Variants in PIK3CG observed in about 807,000 individuals in gnomAD.
PIK3CG encodes the protein phosphatidylinositol-4,5-bisphosphate 3-kinase catalytic subunit gamma.
In PIK3CG, 55 loss-of-function variants were observed where a neutral mutation model predicts 102.3. That is an observed-to-expected ratio of 0.54 (90% CI 0.43 to 0.67). The LOEUF is 0.67. Among genes scored for constraint, PIK3CG ranks in the 30% least tolerant of loss-of-function variants. The pLI is 0.00. For synonymous variants in PIK3CG, 552 were observed against 540.0 expected (o/e 1.02, Z -0.31); for missense variants, 1,258 against 1,391.8 (o/e 0.90, Z 1.53).
rs563730246 is a variant in PIK3CG at position 106,896,946 on chromosome 7, T to A, written c.3031-8163T>A. 1.1e-4 allele frequency among the ~76,000 whole-genome samples: 17 copies of A among 152,254 alleles called. No homozygotes were observed. The South Asian group carries it at 3.1e-3, about 28-fold the overall frequency. On this transcript the variant is annotated intron_variant, in intron 10 of 10. Coordinates refer to ENST00000496166, the MANE Select transcript of PIK3CG (RefSeq NM_001282426.2). ...TACCACACACAAATGTCACAGACAA[T>A]ATCAGCTAAAAGCAAAAGAAAACTC...
chr7:106,904,505 T>C (rs1458309882), intron 10 of PIK3CG, among the ~76,000 whole-genome samples: 1 of 152,196 alleles, frequency 6.6e-6, no homozygotes, highest in African/African-American at 2.4e-5. Flanking sequence ...CCAAAGCTTT[T>C]TGGGGGACCA....
Position 106,905,232 on chromosome 7 carries a change from C to A in PIK3CG, c.3154C>A (p.Arg1052=), listed in dbSNP as rs765204428. ...LTSKEDIEYI[R]DALTVGKNEE... is the part of the protein sequence containing the mutation. ...AAGCAAAGAAGACATTGAATATATC[C>A]GGGATGCCCTCACAGTGGGGAAAAA... is the stretch of plus-strand genomic sequence containing the variant. Residue 1052 remains arginine (R), a synonymous_variant, in exon 11 of 11, where the codon CGG becomes AGG. Transcript: ENST00000496166. This position sits in a 1 kb window ranked among gnomAD's most constrained non-coding sequence, Gnocchi z 5.6. 6.2e-7 allele frequency: 1 copy of A among 1,614,070 alleles called. No homozygotes were observed. The highest frequency in any genetic ancestry group is 8.5e-7 in the Non-Finnish European group (1 of 1,179,980).
rs1791366282 is a variant in PIK3CG at position 106,894,925 on chromosome 7, A to C, written c.3030+8633A>C. Among the ~76,000 whole-genome samples the C allele has an allele frequency of 6.6e-6, 1 of 152,190 alleles. No individual in the cohort carries two copies. Among genetic ancestry groups the C allele is most frequent in the South Asian group, 2.1e-4 (1 of 4,828 alleles). ...GTAAAAGTTTGGGCCCTGAAATGAT[A>C]ATGAATTCCTTTGTTCCCAAGACTT... is the stretch of plus-strand genomic sequence containing the variant. On this transcript the variant is annotated intron_variant, in intron 10 of 10. Transcript: ENST00000496166. The surrounding 1 kb of genome is among the most constrained non-coding windows in gnomAD (Gnocchi z 4.4).
rs1462445603 is a variant in PIK3CG at position 106,869,620 on chromosome 7, G to C, written c.1995+64G>C. 4 of 1,335,066 alleles carry C rather than the reference G, an allele frequency of 3.0e-6. No individual in the cohort carries two copies. Among genetic ancestry groups the C allele is most frequent in the Non-Finnish European group, 4.1e-6 (4 of 977,848 alleles). 82.7% of individuals were successfully genotyped at this position (1,335,066 alleles called of 1,614,324 possible). ...AAGGAATTGATTTGCATATGCACAG[G>C]CACTCCATTCAGTTGTCATCAAATG... On this transcript the variant is annotated intron_variant, in intron 2 of 10. Transcript: ENST00000496166. This position sits in a 1 kb window ranked among gnomAD's most constrained non-coding sequence, Gnocchi z 5.3.
chr7:106,868,375 C>T lies in PIK3CG; in HGVS notation c.814C>T (p.Leu272=), dbSNP rs1335513374. Residue 272 remains leucine (L), a synonymous_variant, in exon 2 of 11, where the codon CTG becomes TTG. Coordinates refer to ENST00000496166, the MANE Select transcript of PIK3CG (RefSeq NM_001282426.2). The surrounding 1 kb of genome is among the most constrained non-coding windows in gnomAD (Gnocchi z 6.2). ...AAGCCAAAGCGAACAGGATTTTGTGCTGCGCGTCTGTGGCCGGGATGAGTA... is the reference window on the plus strand; with the variant it reads ...AAGCCAAAGCGAACAGGATTTTGTGTTGCGCGTCTGTGGCCGGGATGAGTA... ...PESQSEQDFV[L]RVCGRDEYLV... 6 of 1,614,104 alleles carry T rather than the reference C, an allele frequency of 3.7e-6. No homozygotes were observed. The highest frequency in any genetic ancestry group is 2.7e-5 in the African/African-American group (2 of 74,952).
Position 106,882,171 on chromosome 7 carries a change from C to G in PIK3CG, c.2593C>G (p.Leu865Val). ...WETESLDLCL[L>V]PYGCISTGDK... is the part of the protein sequence containing the mutation. ...GACTGAATCTTTGGATCTATGCCTC[C>G]TGCCATATGGTTGCATTTCAACTGG... The change falls in exon 7 of 11, where the codon CTG (leucine) becomes GTG (valine). Residue 865 changes from leucine (L) to valine (V), a missense_variant. Transcript: ENST00000496166. 1 of 1,579,660 alleles carries G rather than the reference C, an allele frequency of 6.3e-7. No homozygotes were observed. Among genetic ancestry groups the G allele is most frequent in the Non-Finnish European group, 8.6e-7 (1 of 1,162,730 alleles).
In PIK3CG at chr7:106,903,483, A is replaced by C. The variant is rs149899994; in HGVS notation, c.3031-1626A>C. Among the ~76,000 whole-genome samples, 731 of 152,018 alleles carry C rather than the reference A, an allele frequency of 4.8e-3. 7 individuals carry two copies. Among genetic ancestry groups the C allele is most frequent in the African/African-American group, 0.014 (602 of 41,554 alleles). On this transcript the variant is annotated intron_variant, in intron 10 of 10. Transcript: ENST00000496166. This position sits in a 1 kb window ranked among gnomAD's most constrained non-coding sequence, Gnocchi z 4.3. ...ATAATTTTTTAAGAGTATAAAAATTATAAATTATAAAAATTATAAAAGCAT... is the reference window on the plus strand; with the variant it reads ...ATAATTTTTTAAGAGTATAAAAATTCTAAATTATAAAAATTATAAAAGCAT...
chr7:106,867,699 CA>C lies in PIK3CG; in HGVS notation c.139del (p.Ser47AlafsTer24). ...LIPIEFVLPT[S>X]QRKCKSPETA... ...TCCCCATCGAGTTCGTGCTGCCCAC[CA>C]GCCAGCGCAAATGCAAGAGCCCCGA... On this transcript the variant is annotated frameshift_variant, in exon 2 of 11. Coordinates refer to ENST00000496166, the MANE Select transcript of PIK3CG (RefSeq NM_001282426.2). LOFTEE classifies it high-confidence loss of function. This position sits in a 1 kb window ranked among gnomAD's most constrained non-coding sequence, Gnocchi z 5.1. The C allele has an allele frequency of 6.2e-7, 1 of 1,613,290 alleles. No individual in the cohort carries two copies. Among genetic ancestry groups the C allele is most frequent in the Non-Finnish European group, 8.5e-7 (1 of 1,179,970 alleles).
In PIK3CG at chr7:106,892,856, C is replaced by G. The variant is rs1791299415; in HGVS notation, c.3030+6564C>G. ...ACAGGGAAGGGAGGGAACATCCAGA[C>G]AGAAAGAACAGCACGAGCAAGTGCA... is the stretch of plus-strand genomic sequence containing the variant. On this transcript the variant is annotated intron_variant, in intron 10 of 10. Coordinates refer to ENST00000496166, the MANE Select transcript of PIK3CG (RefSeq NM_001282426.2). The surrounding 1 kb of genome is among the most constrained non-coding windows in gnomAD (Gnocchi z 5.2). Among the ~76,000 whole-genome samples, 1 of 152,080 alleles carries G rather than the reference C, an allele frequency of 6.6e-6. No homozygotes were observed. Among genetic ancestry groups the G allele is most frequent in the African/African-American group, 2.4e-5 (1 of 41,410 alleles).
chr7:106,870,258 T>C (rs998668589), intron 2 of PIK3CG, among the ~76,000 whole-genome samples: 2 of 152,210 alleles, frequency 1.3e-5, no homozygotes, highest in Non-Finnish European at 2.9e-5. Context: ...CAGGACTGTA[T>C]GTATTTCTGC....
chr7:106,882,215 GT>G lies in PIK3CG; in HGVS notation c.2629+10del. On this transcript the variant is annotated intron_variant, in intron 7 of 10. Transcript: ENST00000496166. ...CAACTGGTGACAAAATAGGTATGTA[GT>G]TACCTCAGGAGATGAATAGACCTCT... is the stretch of plus-strand genomic sequence containing the variant. 6.8e-7 allele frequency: 1 copy of G among 1,460,862 alleles called. No individual in the cohort carries two copies. The highest frequency in any genetic ancestry group is 9.4e-7 in the Non-Finnish European group (1 of 1,062,512). 90.5% of individuals were successfully genotyped at this position (1,460,862 alleles called of 1,614,324 possible). A position where few individuals can be genotyped will look rare whatever the true frequency, so the allele number is the denominator to read the frequency against.
At position 106,894,549 on chromosome 7, in the gene PIK3CG, CCTT is replaced by C. The variant is rs1470905267; in HGVS notation, c.3030+8260_3030+8262del. 6.6e-6 allele frequency among the ~76,000 whole-genome samples: 1 copy of C among 152,144 alleles called. No homozygotes were observed. Among genetic ancestry groups the C allele is most frequent in the Non-Finnish European group, 1.5e-5 (1 of 68,034 alleles). ...CACTGTTAGGTCTAATAATCAGTGACCTTCTCTGTTTTGCCAAAATAATTCCTA... is the reference window on the plus strand; with the variant it reads ...CACTGTTAGGTCTAATAATCAGTGACCTCTGTTTTGCCAAAATAATTCCTA... On this transcript the variant is annotated intron_variant, in intron 10 of 10. Coordinates refer to ENST00000496166, the MANE Select transcript of PIK3CG (RefSeq NM_001282426.2). The surrounding 1 kb of genome is among the most constrained non-coding windows in gnomAD (Gnocchi z 4.4).
chr7:106,877,688 G>A lies in PIK3CG; in HGVS notation c.2392-1831G>A, dbSNP rs528435995. Among the ~76,000 whole-genome samples, 6 of 152,172 alleles carry A rather than the reference G, an allele frequency of 3.9e-5. No homozygotes were observed. Among genetic ancestry groups the A allele is most frequent in the African/African-American group, 7.2e-5 (3 of 41,536 alleles). ...CACCTTTGTCAAGTATCAACTGACC[G>A]TATATGTGTGGGTCTACACCTAGAT... is the stretch of plus-strand genomic sequence containing the variant. On this transcript the variant is annotated intron_variant, in intron 5 of 10. Coordinates refer to ENST00000496166, the MANE Select transcript of PIK3CG (RefSeq NM_001282426.2). This position sits in a 1 kb window ranked among gnomAD's most constrained non-coding sequence, Gnocchi z 4.5.
In PIK3CG at chr7:106,874,802, C is replaced by T. The variant is rs761986714; in HGVS notation, c.2390C>T (p.Ala797Val). Residue 797 changes from alanine to valine, a missense_variant and splice_region_variant, in exon 5 of 11, where the codon GCA (alanine) becomes GTA (valine). Coordinates refer to ENST00000496166, the MANE Select transcript of PIK3CG (RefSeq NM_001282426.2). This position sits in a 1 kb window ranked among gnomAD's most constrained non-coding sequence, Gnocchi z 4.3. ...CCTGGACTGAAAGCAGGAGCGCTGGCAGTAGGTATCACTTGGATGTCTCCA... is the reference window on the plus strand; with the variant it reads ...CCTGGACTGAAAGCAGGAGCGCTGGTAGTAGGTATCACTTGGATGTCTCCA... ...YDPGLKAGAL[A>V]IEKCKVMASK... 2.6e-5 allele frequency: 42 copies of T among 1,599,950 alleles called. No individual in the cohort carries two copies. Among genetic ancestry groups the T allele is most frequent in the Non-Finnish European group, 3.4e-5 (40 of 1,167,582 alleles).
rs1459552966 is a variant in PIK3CG, at chr7:106,883,380, T to A, written c.2760+217T>A. On this transcript the variant is annotated intron_variant, in intron 8 of 10. Coordinates refer to ENST00000496166, the MANE Select transcript of PIK3CG (RefSeq NM_001282426.2). This position sits in a 1 kb window ranked among gnomAD's most constrained non-coding sequence, Gnocchi z 5.8. ...CACTCAGTTCAGGACTCCATGAGCA[T>A]TTGCTTCTCTTTTGATTATCAGGCA... 2.0e-5 allele frequency among the ~76,000 whole-genome samples: 3 copies of A among 152,202 alleles called. No individual in the cohort carries two copies. Among genetic ancestry groups the A allele is most frequent in the African/African-American group, 7.2e-5 (3 of 41,464 alleles).
chr7:106,865,331 A>C lies in PIK3CG; in HGVS notation c.-108A>C, dbSNP rs1414004201. On this transcript the variant is annotated 5_prime_UTR_variant, in exon 1 of 11. Transcript: ENST00000496166. ...ATGAAGGGAGCCCCAGAAAAGCGGAAGAATTTAGACGCACACTGGGTAGGT... is the reference window on the plus strand; with the variant it reads ...ATGAAGGGAGCCCCAGAAAAGCGGACGAATTTAGACGCACACTGGGTAGGT... 6.6e-6 allele frequency: 1 copy of C among 152,200 alleles called. No homozygotes were observed. Among genetic ancestry groups the C allele is most frequent in the Non-Finnish European group, 1.5e-5 (1 of 68,036 alleles). The allele number at this position is 152,200 out of a possible 1,614,324, so 9.4% of individuals were successfully genotyped here.
intron 6 of PIK3CG, among the ~76,000 whole-genome samples, chr7:106,881,574 TGGTGGCTCAC>T (rs2116534114): frequency 6.6e-6 from 1 of 152,244 alleles, no homozygotes; most frequent in East Asian, 1.9e-4. Context: ...TGGCCAAGCA[TGGTGGCTCAC>T]GCCTGTAATC....
Position 106,896,285 on chromosome 7 carries a change from C to T in PIK3CG, c.3031-8824C>T, listed in dbSNP as rs147773905. The stretch of plus-strand genomic sequence containing the variant: ...AATAACTTGGCCTCAGGTTAATTTC[C>T]CTCCTTGAAAATGTTCTATTAAAAA... On this transcript the variant is annotated intron_variant, in intron 10 of 10. Transcript: ENST00000496166. Among the ~76,000 whole-genome samples, 6 of 152,228 alleles carry T rather than the reference C, an allele frequency of 3.9e-5. No homozygotes were observed. In the East Asian group the frequency reaches 1.2e-3, roughly 29 times the overall value.
In PIK3CG at chr7:106,891,810, G is replaced by A. The variant is rs1312971259; in HGVS notation, c.3030+5518G>A. Among the ~76,000 whole-genome samples the A allele has an allele frequency of 6.6e-6, 1 of 151,818 alleles. No individual in the cohort carries two copies. Among genetic ancestry groups the A allele is most frequent in the Non-Finnish European group, 1.5e-5 (1 of 67,944 alleles). ...GTTATTTTAATCTAGGATGACTGTG[G>A]AAATTTTCTTGCCAGTTTTATCAGG... On this transcript the variant is annotated intron_variant, in intron 10 of 10. Coordinates refer to ENST00000496166, the MANE Select transcript of PIK3CG (RefSeq NM_001282426.2). The surrounding 1 kb of genome is among the most constrained non-coding windows in gnomAD (Gnocchi z 4.4).
Sources: gnomAD v4.1 joint callset for allele counts (sites outside exome capture counted in the v4.1 genomes callset) on GRCh38, gnomAD v4.1.1 for gene constraint, Gnocchi (gnomAD v3.1) non-coding constraint, MANE v1.5 for transcripts, NCBI Gene and HGNC (gene_info 2026-07-23, HGNC 2026-07-21) for gene names.